Variants in GTF2IRD2B observed in about 807,000 individuals in gnomAD.
GTF2IRD2B encodes GTF2I repeat domain containing 2B, also known as general transcription factor II-I repeat domain-containing protein 2B.
Under a neutral mutation model 55.6 loss-of-function variants are expected in GTF2IRD2B, and 10 were observed. The observed-to-expected ratio is 0.18, with a 90% CI of 0.11 to 0.31. The LOEUF (loss-of-function observed/expected upper bound fraction) is 0.31, where lower values mean the gene tolerates loss of function less well. GTF2IRD2B is among the 10% of genes least tolerant of loss of function. The probability of loss-of-function intolerance (pLI) is 1.00; values close to 1 mark genes in which losing one functional copy is unlikely to be tolerated. For synonymous variants in GTF2IRD2B, 107 were observed against 320.5 expected, an observed-to-expected ratio of 0.33 and a Z score of 7.12; for missense variants, 206 against 802.7, an observed-to-expected ratio of 0.26 and a Z score of 8.98.
intron 4 of GTF2IRD2B, among the ~76,000 whole-genome samples, chr7:75,122,618 T>G (rs1554452073): frequency 9.4e-6 from 1 of 106,818 alleles, no homozygotes; most frequent in African/African-American, 4.2e-5. Context: ...CTACAAAAAT[T>G]AGTCGGGCAT....
chr7:75,105,947 A>G (rs1807787693), intron 1 of GTF2IRD2B, among the ~76,000 whole-genome samples: 3 of 152,308 alleles, frequency 2.0e-5, no homozygotes, highest in Admixed American at 1.3e-4. Flanking sequence ...GGAGGAAGAG[A>G]GTGTGGCAAA....
intron 8 of GTF2IRD2B, among the ~76,000 whole-genome samples, chr7:75,127,124 G>A (rs1454179692): frequency 6.6e-6 from 1 of 150,970 alleles, no homozygotes; most frequent in Non-Finnish European, 1.5e-5. Context: ...AGACCAGGGC[G>A]TGAATTAACC....
intron 4 of GTF2IRD2B, among the ~76,000 whole-genome samples, chr7:75,121,736 G>A (rs1197152843): frequency 6.6e-6 from 1 of 151,406 alleles, no homozygotes; most frequent in Non-Finnish European, 1.5e-5. Flanking sequence ...TGAGATTACA[G>A]GTGTGAGCCG....
At chr7:75,136,025 CA>C in intron 10 of GTF2IRD2B, among the ~76,000 whole-genome samples, 1 of 58,196 alleles carries the variant, frequency 1.7e-5, no homozygotes, top group Admixed American at 1.8e-4. Flanking sequence ...CCTGTAATCC[CA>C]GCTACTCGGG....
intron 1 of GTF2IRD2B, among the ~76,000 whole-genome samples, chr7:75,105,586 G>A (rs1484183387): frequency 3.9e-5 from 6 of 152,290 alleles, no homozygotes; most frequent in Non-Finnish European, 7.3e-5. Context: ...TAGAGATATA[G>A]AGATTTATAA....
intron 1 of GTF2IRD2B, among the ~76,000 whole-genome samples, chr7:75,103,187 G>A (rs1287062944): frequency 6.6e-6 from 1 of 151,900 alleles, no homozygotes; most frequent in African/African-American, 2.4e-5. Flanking sequence ...GCTGAGGCAG[G>A]AGAATTGCTT....
intron 1 of GTF2IRD2B, among the ~76,000 whole-genome samples, chr7:75,105,972 C>G (rs2115704996): frequency 6.6e-6 from 1 of 152,428 alleles, no homozygotes; most frequent in East Asian, 1.9e-4. Context: ...AGTTACTTCC[C>G]TGACGTCCTC....
At position 75,123,513 on chromosome 7, in the gene GTF2IRD2B, C is replaced by A. The variant is rs1554452205; in HGVS notation, c.568C>A (p.Leu190Met). The A allele has an allele frequency of 7.0e-6, 5 of 716,402 alleles. No homozygotes were observed. In the East Asian group the frequency reaches 1.4e-4, roughly 20 times the overall value. The allele number at this position is 716,402 out of a possible 1,614,324, so 44.4% of individuals were successfully genotyped here. A position where few individuals can be genotyped will look rare whatever the true frequency, so the allele number is the denominator to read the frequency against. Residue 190 changes from leucine (L) to methionine (M), a missense_variant, in exon 6 of 16, where the codon CTG becomes ATG. Leu to Met is a conservative substitution (Grantham distance 15). Coordinates refer to ENST00000472837, the MANE Select transcript of GTF2IRD2B (RefSeq NM_001003795.3). ...ACCCTTCCTAGGACCAGAGAGTCAG[C>A]TGGGTAAGTGACAGCTTCTCAGGTT... ...NRPFLGPESQ[L>M]GGPGMVTDAE...
At chr7:75,114,267 A>G (rs1808069253) in intron 3 of GTF2IRD2B, among the ~76,000 whole-genome samples, 2 of 151,664 alleles carry the variant, frequency 1.3e-5, no homozygotes, top group Middle Eastern at 6.8e-3. Flanking sequence ...GGTATTCTCA[A>G]TTCATTAATG....
intron 15 of GTF2IRD2B, among the ~76,000 whole-genome samples, chr7:75,145,575 A>G (rs1809119602): frequency 6.7e-6 from 1 of 148,478 alleles, no homozygotes; most frequent in Non-Finnish European, 1.5e-5. Flanking sequence ...TCTACTAGAA[A>G]TACAAAAATT....
intron 3 of GTF2IRD2B, among the ~76,000 whole-genome samples, chr7:75,117,511 G>A (rs1432505618): frequency 7.9e-5 from 12 of 152,406 alleles, no homozygotes; most frequent in Non-Finnish European, 1.3e-4. Flanking sequence ...GTGAGTTTTA[G>A]TGACACCCCC....
At chr7:75,132,849 G>A (rs1456654154) in intron 8 of GTF2IRD2B, among the ~76,000 whole-genome samples, 9 of 148,678 alleles carry the variant, frequency 6.1e-5, no homozygotes, top group East Asian at 1.9e-4. Flanking sequence ...CACCGTGCCC[G>A]GTCCCCTCCT....
intron 1 of GTF2IRD2B, among the ~76,000 whole-genome samples, chr7:75,107,393 G>A (rs1807841811): frequency 6.6e-6 from 1 of 151,016 alleles, no homozygotes; most frequent in African/African-American, 2.4e-5. Flanking sequence ...GGCTAACATG[G>A]TGAAACCCCG....
At chr7:75,106,625 A>G (rs1461059533) in intron 1 of GTF2IRD2B, among the ~76,000 whole-genome samples, 2 of 89,820 alleles carry the variant, frequency 2.2e-5, no homozygotes, top group African/African-American at 3.8e-5. Flanking sequence ...TGTATCAGCC[A>G]GGCACAGTAG....
intron 1 of GTF2IRD2B, among the ~76,000 whole-genome samples, chr7:75,106,165 G>A (rs1279515871): frequency 6.6e-6 from 1 of 152,308 alleles, no homozygotes; most frequent in African/African-American, 2.4e-5. Flanking sequence ...CACTTTGGGA[G>A]GCTGAGGCGG....
chr7:75,134,395 CAACAAAACAA>C (rs1234033639), intron 9 of GTF2IRD2B, among the ~76,000 whole-genome samples: 2 of 142,586 alleles, frequency 1.4e-5, no homozygotes, highest in African/African-American at 6.0e-5. Flanking sequence ...CTCAAAACAA[CAACAAAACAA>C]AACAAAACAA....
rs1181875944 is a variant in GTF2IRD2B at position 75,122,239 on chromosome 7, C to T, written c.359-897C>T. Reference sequence around the variant, plus strand: ...CAGTCAATGTTGGCTCAGTCACCTCCCTCACCCCTCAGTTGTCACTCCACC... The same window carrying T: ...CAGTCAATGTTGGCTCAGTCACCTCTCTCACCCCTCAGTTGTCACTCCACC... On this transcript the variant is annotated intron_variant, in intron 4 of 15. Transcript: ENST00000472837. Among the ~76,000 whole-genome samples the T allele has an allele frequency of 2.6e-3, 359 of 140,166 alleles. 9 individuals are homozygous for T. The highest frequency in any genetic ancestry group is 0.01 in the Middle Eastern group (3 of 292). The allele number at this position is 140,166 out of a possible 152,430, so 92.0% of individuals were successfully genotyped here.
intron 3 of GTF2IRD2B, 82 bp from the exon 4 acceptor site, chr7:75,120,809 T>C: frequency 6.4e-7 from 1 of 1,565,170 alleles, no homozygotes; most frequent in Non-Finnish European, 8.6e-7. Context: ...TTCCCTTTTT[T>C]CTTTCAATAC....
At chr7:75,132,184 C>T (rs1305431953) in intron 8 of GTF2IRD2B, among the ~76,000 whole-genome samples, 10 of 141,952 alleles carry the variant, frequency 7.0e-5, no homozygotes, top group Admixed American at 4.8e-4. Flanking sequence ...CCAGCCCGGC[C>T]TACATGGTGA....
Sources: allele counts gnomAD v4.1 joint callset (sites outside exome capture counted in the v4.1 genomes callset), GRCh38; gene constraint gnomAD v4.1.1; transcripts MANE v1.5; gene names NCBI Gene and HGNC (gene_info 2026-07-23, HGNC 2026-07-21).